The following EHD4 variants were observed in gnomAD, a reference collection of about 807,000 sequenced individuals.
The protein encoded by EHD4 is EH domain-containing protein 4.
Under a neutral mutation model 51.0 loss-of-function variants are expected in EHD4, and 37 were observed. The ratio of observed to expected loss-of-function variants is 0.73; its 90% CI spans 0.56 to 0.95. The LOEUF (loss-of-function observed/expected upper bound fraction) is 0.95. Among genes scored for constraint, EHD4 ranks in the 40% least tolerant of loss-of-function variants. The probability of loss-of-function intolerance (pLI) is 0.00; values close to 1 mark genes in which losing one functional copy is unlikely to be tolerated. For synonymous variants in EHD4, 297 were observed against 317.3 expected (o/e 0.94, Z 0.68); for missense variants, 632 against 733.1 (o/e 0.86, Z 1.59).
intron 4 of EHD4, among the ~76,000 whole-genome samples, chr15:41,912,442 C>A (rs1294118125): frequency 6.6e-6 from 1 of 152,164 alleles, no homozygotes; most frequent in Non-Finnish European, 1.5e-5. Context: ...TGCCTGTAAT[C>A]CCAGCACTTT....
rs143320640 is a variant in EHD4, at chr15:41,915,879, T to G, written c.924+3331A>C. On this transcript the variant is annotated intron_variant, in intron 4 of 5. Coordinates refer to ENST00000220325, the MANE Select transcript of EHD4 (RefSeq NM_139265.4). ...ACCCACTCTAAAGTTTCCCTGTTCC[T>G]TAAATACAGAGATGTGAAAAAAATA... Among the ~76,000 whole-genome samples, 618 of 152,250 alleles carry G rather than the reference T, an allele frequency of 4.1e-3. 4 individuals carry two copies. The highest frequency in any genetic ancestry group is 0.014 in the African/African-American group (588 of 41,528).
intron 1 of EHD4, among the ~76,000 whole-genome samples, chr15:41,965,914 C>T (rs1017218838): frequency 3.3e-5 from 5 of 150,082 alleles, no homozygotes; most frequent in South Asian, 2.1e-4. Flanking sequence ...CAGCTGCCAG[C>T]GCTCCCCTGC....
In EHD4 at chr15:41,966,673, A is replaced by G. The variant is rs182001093; in HGVS notation, c.236+5586T>C. 1.4e-3 allele frequency among the ~76,000 whole-genome samples: 218 copies of G among 152,342 alleles called. 2 individuals are homozygous for G. The highest frequency in any genetic ancestry group is 8.8e-3 in the Admixed American group (135 of 15,300). On this transcript the variant is annotated intron_variant, in intron 1 of 5. Coordinates refer to ENST00000220325, the MANE Select transcript of EHD4 (RefSeq NM_139265.4). The stretch of plus-strand genomic sequence containing the variant: ...CAACATGAGGAGGGCCACAGAGCCA[A>G]CAGAGTCCTGGTGTGTCTCCTGCAG...
intron 5 of EHD4, among the ~76,000 whole-genome samples, chr15:41,908,933 G>C (rs2067530541): frequency 6.6e-6 from 1 of 152,254 alleles, no homozygotes; most frequent in African/African-American, 2.4e-5. Flanking sequence ...GCTTTACAGA[G>C]AGGACTGTGG....
At chr15:41,944,580 T>C (rs576541068) in intron 2 of EHD4, among the ~76,000 whole-genome samples, 1 of 152,290 alleles carries the variant, frequency 6.6e-6, no homozygotes, top group South Asian at 2.1e-4. Context: ...AAAATCACTT[T>C]CTCTGAAGGG....
intron 1 of EHD4, among the ~76,000 whole-genome samples, chr15:41,956,231 T>G (rs1041130799): frequency 1.3e-5 from 2 of 152,124 alleles, no homozygotes; most frequent in Admixed American, 6.5e-5. Context: ...CAGCGTGTGC[T>G]TTTTGGGGAA....
chr15:41,963,296 T>TAAAAAAAA, intron 1 of EHD4, among the ~76,000 whole-genome samples: 1 of 126,970 alleles, frequency 7.9e-6, no homozygotes, highest in Non-Finnish European at 1.6e-5. Flanking sequence ...CAATAAATAC[T>TAAAAAAAA]AAAAAAAAAA....
intron 5 of EHD4, among the ~76,000 whole-genome samples, chr15:41,907,824 CTGTGTGTGTGTGTGTGTGTGTG>C (rs10522331): frequency 7.6e-6 from 1 of 132,122 alleles, no homozygotes; most frequent in South Asian, 2.6e-4. Flanking sequence ...CGCCCAGGCT[CTGTGTGTGTGTGTGTGTGTGTG>C]TGTGTGTGTG....
chr15:41,918,881 G>T (rs2067603240), intron 4 of EHD4, among the ~76,000 whole-genome samples: 1 of 152,176 alleles, frequency 6.6e-6, no homozygotes, highest in East Asian at 1.9e-4. Flanking sequence ...CATGTAGTGG[G>T]TGCACTGATT....
chr15:41,946,323 C>T (rs1054786070), intron 2 of EHD4, among the ~76,000 whole-genome samples: 1 of 152,140 alleles, frequency 6.6e-6, no homozygotes, highest in Non-Finnish European at 1.5e-5. Flanking sequence ...CCCCTCAACT[C>T]CATATCCTCT....
At chr15:41,956,534 A>G (rs2067889534) in intron 1 of EHD4, among the ~76,000 whole-genome samples, 1 of 152,262 alleles carries the variant, frequency 6.6e-6, no homozygotes, top group Non-Finnish European at 1.5e-5. Flanking sequence ...AAGGAAAAAT[A>G]TAAATGAAAA....
At chr15:41,901,580 C>T (rs1418089936) in intron 5 of EHD4, among the ~76,000 whole-genome samples, 1 of 152,228 alleles carries the variant, frequency 6.6e-6, no homozygotes, top group Non-Finnish European at 1.5e-5. Context: ...CCACATTTTA[C>T]AGAGAGCTGT....
chr15:41,942,940 GCC>G (rs1298360659), intron 3 of EHD4, 125 bp downstream of exon 3: 2 of 842,610 alleles, frequency 2.4e-6, no homozygotes, highest in Non-Finnish European at 3.8e-6. Context: ...GACACTTGGG[GCC>G]CCTTCAGCTG....
At chr15:41,922,908 G>C (rs1035898165) in intron 3 of EHD4, among the ~76,000 whole-genome samples, 4 of 152,194 alleles carry the variant, frequency 2.6e-5, no homozygotes, top group Non-Finnish European at 4.4e-5. Flanking sequence ...GCAGGTGTAA[G>C]AGGACGGTCT....
intron 1 of EHD4, among the ~76,000 whole-genome samples, chr15:41,969,043 T>A (rs1235210381): frequency 6.6e-6 from 1 of 152,280 alleles, no homozygotes; most frequent in Non-Finnish European, 1.5e-5. Context: ...TAGGATTCTC[T>A]ACATAGAAGA....
Position 41,921,875 on chromosome 15 carries a change from G to A in EHD4, c.512-2253C>T, listed in dbSNP as rs8028538. ...CTGGGGCATAAGCATGTGATCTAGA[G>A]TTAGACATTCACTTCCTTCCACCAG... is the stretch of plus-strand genomic sequence containing the variant. On this transcript the variant is annotated intron_variant, in intron 3 of 5. Transcript: ENST00000220325. 163 of 152,298 alleles carry A rather than the reference G, an allele frequency of 1.1e-3. 1 individual carries two copies. The highest frequency in any genetic ancestry group is 3.8e-3 in the African/African-American group (160 of 41,568). The allele number at this position is 152,298 out of a possible 1,614,324, so 9.4% of individuals were successfully genotyped here. A position where few individuals can be genotyped will look rare whatever the true frequency, so the allele number is the denominator to read the frequency against.
At chr15:41,971,915 T>C (rs2067998623) in intron 1 of EHD4, among the ~76,000 whole-genome samples, 1 of 152,230 alleles carries the variant, frequency 6.6e-6, no homozygotes, top group Non-Finnish European at 1.5e-5. Flanking sequence ...CCCATTTCCA[T>C]CCCTAGGCAT....
In EHD4 at chr15:41,899,643, C is replaced by T. The variant is rs1482469294; in HGVS notation, c.*1002G>A. 1 of 152,032 alleles carries T rather than the reference C, an allele frequency of 6.6e-6. No individual in the cohort carries two copies. The highest frequency in any genetic ancestry group is 1.5e-5 in the Non-Finnish European group (1 of 68,010). The allele number at this position is 152,032 out of a possible 1,614,324, so 9.4% of individuals were successfully genotyped here. A position where few individuals can be genotyped will look rare whatever the true frequency, so the allele number is the denominator to read the frequency against. The stretch of plus-strand genomic sequence containing the variant: ...CCTCATTCACCTGTGTCCACAGGGC[C>T]GAAGACACTGCACACACTAGGACAG... On this transcript the variant is annotated 3_prime_UTR_variant, in exon 6 of 6. Coordinates refer to ENST00000220325, the MANE Select transcript of EHD4 (RefSeq NM_139265.4).
intron 2 of EHD4, among the ~76,000 whole-genome samples, chr15:41,952,998 C>CAAAAAAAAAA (rs33930801): frequency 4.3e-5 from 3 of 69,088 alleles, no homozygotes; most frequent in African/African-American, 6.0e-5. Flanking sequence ...TTCCCCCCCG[C>CAAAAAAAAAA]AAAAAAAAAA....
Sources: allele counts gnomAD v4.1 joint callset (sites outside exome capture counted in the v4.1 genomes callset), GRCh38; gene constraint gnomAD v4.1.1; transcripts MANE v1.5; gene names NCBI Gene and HGNC (gene_info 2026-07-23, HGNC 2026-07-21).